Variants in CDC42EP3 observed in about 807,000 individuals in gnomAD.
CDC42EP3 encodes CDC42 effector protein 3, also known as CDC42 effector protein (Rho GTPase binding) 3.
CDC42EP3 carries 4 observed loss-of-function variants against 15.5 expected under a neutral mutation model. That is an observed-to-expected ratio of 0.26 (90% CI 0.13 to 0.59). CDC42EP3 has a LOEUF of 0.59. Ranked by LOEUF, CDC42EP3 falls within the 20% of genes least tolerant of loss-of-function variation. The probability of loss-of-function intolerance (pLI) is 0.89; values close to 1 mark genes in which losing one functional copy is unlikely to be tolerated. For synonymous variants in CDC42EP3, 145 were observed against 130.3 expected (o/e 1.11, Z -0.77); for missense variants, 309 against 311.2 (o/e 0.99, Z 0.05).
rs1666324243 is a variant in CDC42EP3, at chr2:37,668,994, T to A, written c.-236+2432A>T. Among the ~76,000 whole-genome samples, 6 of 152,130 alleles carry A rather than the reference T, an allele frequency of 3.9e-5. No individual in the cohort carries two copies. The South Asian group carries it at 1.2e-3, about 32-fold the overall frequency. ...CTGGCAAACATACTGCATTTAAAAA[T>A]AGATTTCTCATTCAATCAATGAAAA... On this transcript the variant is annotated intron_variant, in intron 1 of 1. Transcript: ENST00000295324.
intron 1 of CDC42EP3, among the ~76,000 whole-genome samples, chr2:37,662,982 C>T (rs950609770): frequency 1.8e-4 from 27 of 152,136 alleles, no homozygotes; most frequent in African/African-American, 5.3e-4. Context: ...CTGGCCAACA[C>T]GGTGAAAGCC....
At chr2:37,658,947 C>T (rs768092204) in intron 1 of CDC42EP3, among the ~76,000 whole-genome samples, 1 of 152,216 alleles carries the variant, frequency 6.6e-6, no homozygotes, top group Non-Finnish European at 1.5e-5. Flanking sequence ...GGTTTTAAGG[C>T]TACAGCTTGG....
chr2:37,671,105 T>C (rs534607308), intron 1 of CDC42EP3, among the ~76,000 whole-genome samples: 1 of 152,240 alleles, frequency 6.6e-6, no homozygotes, highest in Non-Finnish European at 1.5e-5. Flanking sequence ...TGTTCTCAGA[T>C]GGAAAAATGC....
At position 37,645,705 on chromosome 2, in the gene CDC42EP3, A is replaced by C; in HGVS notation, c.*118T>G. On this transcript the variant is annotated 3_prime_UTR_variant, in exon 2 of 2. Transcript: ENST00000295324. ...ACAGGTAAAAAAATACTTTGTAAGA[A>C]TATTATTTTAGAAAACCCAACACAA... The C allele has an allele frequency of 1.2e-6, 1 of 801,354 alleles. No homozygotes were observed. Among genetic ancestry groups the C allele is most frequent in the African/African-American group, 1.7e-5 (1 of 57,976 alleles). The allele number at this position is 801,354 out of a possible 1,614,324, so 49.6% of individuals were successfully genotyped here.
intron 1 of CDC42EP3, among the ~76,000 whole-genome samples, chr2:37,655,535 T>C (rs2124623009): frequency 6.6e-6 from 1 of 152,286 alleles, no homozygotes; most frequent in Non-Finnish European, 1.5e-5. Context: ...GAAGACTCAA[T>C]GTGGACATAG....
chr2:37,650,875 C>G (rs1485322133), intron 1 of CDC42EP3, among the ~76,000 whole-genome samples: 1 of 152,194 alleles, frequency 6.6e-6, no homozygotes, highest in Non-Finnish European at 1.5e-5. Flanking sequence ...CAATATCTAT[C>G]AAAACTGCAA....
intron 1 of CDC42EP3, among the ~76,000 whole-genome samples, chr2:37,655,578 G>GC (rs1665822502): frequency 1.3e-5 from 2 of 149,232 alleles, no homozygotes; most frequent in African/African-American, 4.9e-5. Flanking sequence ...CAGGAGGAGG[G>GC]CAAGTCCTCT....
chr2:37,653,369 C>G (rs76471915), intron 1 of CDC42EP3, among the ~76,000 whole-genome samples: 369 of 152,300 alleles, frequency 2.4e-3, no homozygotes, highest in African/African-American at 8.5e-3. Context: ...CCGGGTTGCA[C>G]TAGGCTAGAC....
At chr2:37,663,126 C>A (rs1666128402) in intron 1 of CDC42EP3, among the ~76,000 whole-genome samples, 1 of 152,230 alleles carries the variant, frequency 6.6e-6, no homozygotes, top group Non-Finnish European at 1.5e-5. Flanking sequence ...GACTGTGCCA[C>A]TGCACTCTGG....
chr2:37,656,929 G>T (rs1347762810), intron 1 of CDC42EP3, among the ~76,000 whole-genome samples: 1 of 147,008 alleles, frequency 6.8e-6, no homozygotes, highest in African/African-American at 2.6e-5. Flanking sequence ...ATCTCAAAAG[G>T]AATTTGACTT....
chr2:37,651,656 T>G (rs182977016), intron 1 of CDC42EP3, among the ~76,000 whole-genome samples: 3 of 152,270 alleles, frequency 2.0e-5, no homozygotes, highest in Non-Finnish European at 4.4e-5. Context: ...GAGAAACATT[T>G]GTAGTCGGAA....
At chr2:37,654,741 T>C (rs1026649295) in intron 1 of CDC42EP3, among the ~76,000 whole-genome samples, 1 of 152,212 alleles carries the variant, frequency 6.6e-6, no homozygotes, top group Non-Finnish European at 1.5e-5. Context: ...ACACGGACTT[T>C]CCCTTGAAGA....
At chr2:37,665,894 T>A (rs2124636976) in intron 1 of CDC42EP3, among the ~76,000 whole-genome samples, 1 of 152,278 alleles carries the variant, frequency 6.6e-6, no homozygotes, top group Non-Finnish European at 1.5e-5. Context: ...TCTGAGATCA[T>A]CTCTCACCAA....
intron 1 of CDC42EP3, among the ~76,000 whole-genome samples, chr2:37,648,765 A>G (rs1248022569): frequency 6.6e-6 from 1 of 152,224 alleles, no homozygotes; most frequent in Non-Finnish European, 1.5e-5. Context: ...TCTTCCTGTT[A>G]AAACATCAGA....
Position 37,646,274 on chromosome 2 carries a change from T to C in CDC42EP3, c.314A>G (p.Asn105Ser). Reference sequence around the variant, plus strand: ...TCCAATGGTCGGGAGGGAGATGGCATTTTTGAGCACCGGGGAGGGCGTTTC... The same window carrying C: ...TCCAATGGTCGGGAGGGAGATGGCACTTTTGAGCACCGGGGAGGGCGTTTC... ...FTETPSPVLK[N>S]AISLPTIGGS... The change falls in exon 2 of 2, where the codon AAT (asparagine) becomes AGT (serine). Residue 105 changes from asparagine to serine, a missense_variant. Transcript: ENST00000295324. 1 of 1,614,064 alleles carries C rather than the reference T, an allele frequency of 6.2e-7. No homozygotes were observed. Among genetic ancestry groups the C allele is most frequent in the Non-Finnish European group, 8.5e-7 (1 of 1,180,010 alleles).
intron 1 of CDC42EP3, among the ~76,000 whole-genome samples, chr2:37,660,039 T>C (rs1326430738): frequency 6.6e-6 from 1 of 152,178 alleles, no homozygotes; most frequent in Non-Finnish European, 1.5e-5. Flanking sequence ...ATGGAGATAA[T>C]CATCCCAAAC....
chr2:37,647,783 G>C (rs1665524308), intron 1 of CDC42EP3: 1 of 152,286 alleles, frequency 6.6e-6, no homozygotes, highest in African/African-American at 2.4e-5. Flanking sequence ...TGACAAGGGA[G>C]AAGACTCCCT....
chr2:37,672,737 C>T (rs2124645827), upstream of CDC42EP3, among the ~76,000 whole-genome samples: 1 of 152,276 alleles, frequency 6.6e-6, no homozygotes, highest in Admixed American at 6.5e-5. Context: ...GGCTGGGACC[C>T]CTGGGAGTCG....
At chr2:37,648,145 C>T (rs541021191) in intron 1 of CDC42EP3, among the ~76,000 whole-genome samples, 1 of 152,328 alleles carries the variant, frequency 6.6e-6, no homozygotes, top group Non-Finnish European at 1.5e-5. Context: ...TGCTCTTTTG[C>T]CAATGAGATG....
Sources: allele counts gnomAD v4.1 joint callset (sites outside exome capture counted in the v4.1 genomes callset), GRCh38; gene constraint gnomAD v4.1.1; transcripts MANE v1.5; gene names NCBI Gene and HGNC (gene_info 2026-07-23, HGNC 2026-07-21).